RTN4R: variants seen among roughly 807,000 people sequenced by gnomAD.
RTN4R encodes the protein reticulon-4 receptor.
In RTN4R, 4 loss-of-function variants were observed where a neutral mutation model predicts 27.7. The ratio of observed to expected loss-of-function variants is 0.14; its 90% CI spans 0.07 to 0.33. RTN4R has a LOEUF of 0.33. RTN4R is among the 10% of genes least tolerant of loss of function. The pLI is 1.00. For synonymous variants in RTN4R, 290 were observed against 305.6 expected (o/e 0.95, Z 0.53); for missense variants, 554 against 671.5 (o/e 0.83, Z 1.93).
chr22:20,259,562 C>G (rs2051232772), intron 1 of RTN4R, among the ~76,000 whole-genome samples: 1 of 152,156 alleles, frequency 6.6e-6, no homozygotes, highest in Non-Finnish European at 1.5e-5. Flanking sequence ...TCCCTCCACT[C>G]CCCTCTGGAC....
In RTN4R at chr22:20,268,176, G is replaced by C. The variant is rs913203660; in HGVS notation, c.-84C>G. ...CTCCCCGCGGCCGGGTCCGCATCCA[G>C]GCGCCGCCGCTACGGCCCGGCCCCG... On this transcript the variant is annotated 5_prime_UTR_variant, in exon 1 of 2. Transcript: ENST00000043402. The C allele has an allele frequency of 1.5e-5, 10 of 687,338 alleles. No homozygotes were observed. Among genetic ancestry groups the C allele is most frequent in the Non-Finnish European group, 1.7e-5 (9 of 535,292 alleles). The allele number at this position is 687,338 out of a possible 1,614,324, so 42.6% of individuals were successfully genotyped here.
chr22:20,261,577 G>A (rs79829870), intron 1 of RTN4R, among the ~76,000 whole-genome samples: 2,610 of 152,316 alleles, frequency 0.017, 78 homozygotes, highest in African/African-American at 0.058. Flanking sequence ...TTGTGCAGCC[G>A]GCTGGGCCAA....
At chr22:20,262,002 C>T (rs1375122603) in intron 1 of RTN4R, among the ~76,000 whole-genome samples, 2 of 152,202 alleles carry the variant, frequency 1.3e-5, no homozygotes, top group Non-Finnish European at 2.9e-5. Flanking sequence ...CACTTGAATC[C>T]CGGGGTGGGG....
chr22:20,249,051 C>T (rs1437583096), intron 1 of RTN4R: 1 of 513,312 alleles, frequency 1.9e-6, no homozygotes, highest in African/African-American at 1.9e-5. Context: ...CCCCCTTGCC[C>T]CACAGGAGGC....
intron 1 of RTN4R, among the ~76,000 whole-genome samples, chr22:20,261,588 C>G (rs1267714974): frequency 6.6e-6 from 1 of 152,224 alleles, no homozygotes; most frequent in African/African-American, 2.4e-5. Flanking sequence ...GCTGGGCCAA[C>G]TGATCTGCAC....
At chr22:20,257,637 A>T (rs183567756) in intron 1 of RTN4R, among the ~76,000 whole-genome samples, 1 of 152,366 alleles carries the variant, frequency 6.6e-6, no homozygotes, top group African/African-American at 2.4e-5. Context: ...CACCTTGTCT[A>T]TCGTATTTTG....
At chr22:20,244,957 C>T (rs1270047955) in intron 1 of RTN4R, among the ~76,000 whole-genome samples, 1 of 152,178 alleles carries the variant, frequency 6.6e-6, no homozygotes, top group African/African-American at 2.4e-5. Context: ...ACCACTGAGC[C>T]ATGCCACCAT....
intron 1 of RTN4R, chr22:20,243,473 C>T (rs1013607528): frequency 1.1e-5 from 6 of 537,634 alleles, no homozygotes; most frequent in Non-Finnish European, 2.2e-5. Flanking sequence ...GAACACAGAG[C>T]CCGCATTGCA....
rs116769313 is a variant in RTN4R at position 20,260,821 on chromosome 22, T to C, written c.22+7250A>G. On this transcript the variant is annotated intron_variant, in intron 1 of 1. Coordinates refer to ENST00000043402, the MANE Select transcript of RTN4R (RefSeq NM_023004.6). ...AGAGGACCCCATACTTCTCTCTGAG[T>C]CAGTGCAGAGGTCCTGCGGCAGAGC... 7.7e-3 allele frequency among the ~76,000 whole-genome samples: 1,169 copies of C among 152,226 alleles called. 12 individuals are homozygous for C. Among genetic ancestry groups the C allele is most frequent in the African/African-American group, 0.027 (1,101 of 41,502 alleles).
chr22:20,248,707 G>T lies in RTN4R; in HGVS notation c.23-5597C>A, dbSNP rs148558376. 3.7e-4 allele frequency among the ~76,000 whole-genome samples: 57 copies of T among 152,256 alleles called. 1 individual carries two copies. The highest frequency in any genetic ancestry group is 1.3e-3 in the African/African-American group (55 of 41,550). On this transcript the variant is annotated intron_variant, in intron 1 of 1. Transcript: ENST00000043402. ...GCAGCCACCCTGCTGCATGGCAGGT[G>T]CCCTATGGGAGAGTTAGGAGCCACA... is the stretch of plus-strand genomic sequence containing the variant.
intron 1 of RTN4R, among the ~76,000 whole-genome samples, chr22:20,257,932 AG>A (rs1300887259): frequency 2.0e-5 from 3 of 152,102 alleles, no homozygotes; most frequent in Non-Finnish European, 4.4e-5. Flanking sequence ...GGCTCTGCCT[AG>A]GGAGGTCTCA....
At chr22:20,250,405 A>G (rs2051168828) in intron 1 of RTN4R, among the ~76,000 whole-genome samples, 1 of 152,390 alleles carries the variant, frequency 6.6e-6, no homozygotes, top group Middle Eastern at 3.4e-3. Context: ...TTAGTATCAC[A>G]CCATTCACAC....
intron 1 of RTN4R, among the ~76,000 whole-genome samples, chr22:20,259,177 C>T (rs915812251): frequency 7.2e-5 from 11 of 152,196 alleles, no homozygotes; most frequent in Non-Finnish European, 1.2e-4. Context: ...CATCATCCGC[C>T]TCAGGCCACC....
intron 1 of RTN4R, among the ~76,000 whole-genome samples, chr22:20,266,790 C>G (rs558703801): frequency 1.6e-4 from 25 of 152,370 alleles, no homozygotes; most frequent in Non-Finnish European, 2.5e-4. Context: ...AAGGGGCACC[C>G]ACACCCTGGA....
chr22:20,243,492 C>T (rs569832225), intron 1 of RTN4R: 92 of 509,236 alleles, frequency 1.8e-4, no homozygotes, highest in African/African-American at 1.7e-3. Context: ...CAGGAGTCCC[C>T]GGGGGGTCCC....
chr22:20,260,121 C>T (rs1304741717), intron 1 of RTN4R, among the ~76,000 whole-genome samples: 1 of 152,120 alleles, frequency 6.6e-6, no homozygotes, highest in Non-Finnish European at 1.5e-5. Flanking sequence ...ATGGCCCCAG[C>T]GGGTGGGGCA....
intron 1 of RTN4R, among the ~76,000 whole-genome samples, chr22:20,257,521 T>C: frequency 6.6e-6 from 1 of 152,164 alleles, no homozygotes; most frequent in Non-Finnish European, 1.5e-5. Context: ...GGTGGCTACC[T>C]GCAAGCCAGG....
At position 20,241,607 on chromosome 22, in the gene RTN4R, G is replaced by T; in HGVS notation, c.*104C>A. 3 of 1,316,016 alleles carry T rather than the reference G, an allele frequency of 2.3e-6. No homozygotes were observed. The highest frequency in any genetic ancestry group is 3.2e-6 in the Non-Finnish European group (3 of 944,070). The allele number at this position is 1,316,016 out of a possible 1,614,324, so 81.5% of individuals were successfully genotyped here. A position where few individuals can be genotyped will look rare whatever the true frequency, so the allele number is the denominator to read the frequency against. The stretch of plus-strand genomic sequence containing the variant: ...GCGTCCATCAGGGAGGACCTGGCCT[G>T]GCCTGCCCCACGGGTCGGCCGCCCG... On this transcript the variant is annotated 3_prime_UTR_variant, in exon 2 of 2. Transcript: ENST00000043402.
At chr22:20,248,545 C>T (rs1195962499) in intron 1 of RTN4R, among the ~76,000 whole-genome samples, 1 of 152,210 alleles carries the variant, frequency 6.6e-6, no homozygotes, top group Non-Finnish European at 1.5e-5. Context: ...ATCATCCACT[C>T]GCTTGGCCCT....
Sources: gnomAD v4.1 joint callset for allele counts (sites outside exome capture counted in the v4.1 genomes callset) on GRCh38, gnomAD v4.1.1 for gene constraint, MANE v1.5 for transcripts, NCBI Gene and HGNC (gene_info 2026-07-23, HGNC 2026-07-21) for gene names.